The following XRCC4 variants were observed in gnomAD, a reference collection of about 807,000 sequenced individuals.
The protein encoded by XRCC4 is X-ray repair cross complementing 4, also known as DNA repair protein XRCC4.
A neutral mutation model predicts 39.1 loss-of-function variants in XRCC4; 28 were observed. That is an observed-to-expected ratio of 0.72 (90% CI 0.53 to 0.98). The LOEUF (loss-of-function observed/expected upper bound fraction) is 0.98. Among genes scored for constraint, XRCC4 ranks in the 50% least tolerant of loss-of-function variants. The pLI is 0.00. For synonymous variants in XRCC4, 123 were observed against 126.4 expected (o/e 0.97, Z 0.18); for missense variants, 350 against 376.4 (o/e 0.93, Z 0.58).
In XRCC4 at chr5:83,105,021, T is replaced by G; in HGVS notation, c.102T>G (p.Ile34Met). Reference protein sequence around the residue: ...WEKTLESGFVITLTDGHSAWT... With the variant: ...WEKTLESGFVMTLTDGHSAWT... ...AAACACTGGAATCTGGTTTTGTTATTACACTTACTGATGGTCATTCAGCAT... is the reference window on the plus strand; with the variant it reads ...AAACACTGGAATCTGGTTTTGTTATGACACTTACTGATGGTCATTCAGCAT... The change falls in exon 2 of 8, where the codon ATT becomes ATG. Residue 34 changes from isoleucine to methionine, a missense_variant. Ile to Met is a conservative substitution (Grantham distance 10). Transcript: ENST00000396027. 6.2e-7 allele frequency: 1 copy of G among 1,613,618 alleles called. No homozygotes were observed. The highest frequency in any genetic ancestry group is 8.5e-7 in the Non-Finnish European group (1 of 1,179,766).
At chr5:83,289,123 C>A (rs1561456560) in intron 7 of XRCC4, among the ~76,000 whole-genome samples, 1 of 151,754 alleles carries the variant, frequency 6.6e-6, no homozygotes, top group Non-Finnish European at 1.5e-5. Flanking sequence ...CATTTTGATT[C>A]TTTCCTGGAG....
downstream of XRCC4, among the ~76,000 whole-genome samples, chr5:83,355,615 G>GTA (rs1020580311): frequency 1.5e-4 from 23 of 152,240 alleles, no homozygotes; most frequent in African/African-American, 5.3e-4. Flanking sequence ...TAAATAATAG[G>GTA]TATATATATG....
At position 83,351,016 on chromosome 5, in the gene XRCC4, A is replaced by G. The variant is rs192324758; in HGVS notation, c.894-2115A>G. 1.3e-3 allele frequency among the ~76,000 whole-genome samples: 197 copies of G among 152,250 alleles called. 3 individuals carry two copies. Among genetic ancestry groups the G allele is most frequent in the Admixed American group, 0.011 (166 of 15,294 alleles). On this transcript the variant is annotated intron_variant, in intron 7 of 7. Transcript: ENST00000396027. ...ATCTCATGTCTAATTGTAATCCTCA[A>G]TCTTGAAGAAGGGGCCTGGTGGGAG...
At chr5:83,276,876 ATCT>A (rs1754354256) in intron 7 of XRCC4, among the ~76,000 whole-genome samples, 1 of 152,076 alleles carries the variant, frequency 6.6e-6, no homozygotes, top group South Asian at 2.1e-4. Flanking sequence ...TTATAACAGA[ATCT>A]TGTTATAATT....
chr5:83,087,635 T>C (rs191256654), intron 1 of XRCC4, among the ~76,000 whole-genome samples: 1 of 151,806 alleles, frequency 6.6e-6, no homozygotes, highest in Non-Finnish European at 1.5e-5. Context: ...TGTACTCCAG[T>C]CTGGGTGACA....
chr5:83,362,293 G>GAAAAAA, the XRCC4 span, among the ~76,000 whole-genome samples: 4 of 59,952 alleles, frequency 6.7e-5, no homozygotes, highest in African/African-American at 1.6e-4. Flanking sequence ...TGCTATTTAG[G>GAAAAAA]CAAAAAAAAA....
chr5:83,230,039 T>G (rs1366510231), intron 6 of XRCC4, among the ~76,000 whole-genome samples: 3 of 152,040 alleles, frequency 2.0e-5, no homozygotes, highest in Admixed American at 1.3e-4. Flanking sequence ...TGTGCATTTA[T>G]CTTTTCTGTC....
chr5:83,130,000 C>T (rs1007630756), intron 3 of XRCC4, among the ~76,000 whole-genome samples: 3 of 152,114 alleles, frequency 2.0e-5, no homozygotes, highest in South Asian at 2.1e-4. Flanking sequence ...ACATCCAACA[C>T]TGTGTTGAAT....
At chr5:83,233,821 G>A (rs932913483) in intron 6 of XRCC4, among the ~76,000 whole-genome samples, 2 of 148,016 alleles carry the variant, frequency 1.4e-5, no homozygotes, top group Non-Finnish European at 3.0e-5. Flanking sequence ...AGAATCGCTT[G>A]AACCTGGGAG....
chr5:83,145,796 G>C (rs1433063593), intron 3 of XRCC4, among the ~76,000 whole-genome samples: 2 of 151,178 alleles, frequency 1.3e-5, no homozygotes, highest in Non-Finnish European at 2.9e-5. Context: ...ATCTTATTCA[G>C]TGTTATTCTT....
chr5:83,089,890 T>G (rs77949668), intron 1 of XRCC4, among the ~76,000 whole-genome samples: 13,850 of 152,164 alleles, frequency 0.091, 1,294 homozygotes, highest in East Asian at 0.48. Flanking sequence ...CTTTACTGGT[T>G]TAGTACAAAA....
intron 3 of XRCC4, among the ~76,000 whole-genome samples, chr5:83,114,346 A>G (rs1746606380): frequency 6.6e-6 from 1 of 151,822 alleles, no homozygotes; most frequent in African/African-American, 2.4e-5. Flanking sequence ...TTTCTTTTTT[A>G]TTGCATCGTC....
intron 7 of XRCC4, among the ~76,000 whole-genome samples, chr5:83,269,683 A>G (rs1754071467): frequency 6.6e-6 from 1 of 152,142 alleles, no homozygotes; most frequent in African/African-American, 2.4e-5. Flanking sequence ...TTCAATAATT[A>G]CCAAGTAAAT....
At chr5:83,361,210 A>G in the XRCC4 span, among the ~76,000 whole-genome samples, 4 of 152,212 alleles carry the variant, frequency 2.6e-5, no homozygotes, top group African/African-American at 9.6e-5. Flanking sequence ...TTTTGTTACT[A>G]TCATACTATA....
chr5:83,095,321 C>T (rs1745626971), intron 1 of XRCC4, among the ~76,000 whole-genome samples: 1 of 152,140 alleles, frequency 6.6e-6, no homozygotes, highest in Admixed American at 6.6e-5. Flanking sequence ...GGGTGTATTC[C>T]TTTATTTGAG....
chr5:83,320,402 GAAAT>G (rs1394859612), intron 7 of XRCC4, among the ~76,000 whole-genome samples: 40 of 146,554 alleles, frequency 2.7e-4, no homozygotes, highest in African/African-American at 5.5e-4. Context: ...AAAAAAAAAA[GAAAT>G]AAAAACCACT....
chr5:83,122,313 T>G (rs1747049390), intron 3 of XRCC4, among the ~76,000 whole-genome samples: 1 of 152,130 alleles, frequency 6.6e-6, no homozygotes, highest in Admixed American at 6.5e-5. Context: ...ATCCATATAT[T>G]TAGGTCAGTG....
chr5:83,247,269 C>T (rs1419928151), intron 6 of XRCC4, among the ~76,000 whole-genome samples: 1 of 152,072 alleles, frequency 6.6e-6, no homozygotes, highest in African/African-American at 2.4e-5. Flanking sequence ...ATGCCTTCAT[C>T]CATATCTTAC....
intron 3 of XRCC4, among the ~76,000 whole-genome samples, chr5:83,144,267 CTGTGTGTGTGTG>C (rs56769195): frequency 0.015 from 2,118 of 140,130 alleles, 55 homozygotes; most frequent in African/African-American, 0.051. Flanking sequence ...TAATATTCCT[CTGTGTGTGTGTG>C]TGTGTGTGTG....
Sources: allele counts gnomAD v4.1 joint callset (sites outside exome capture counted in the v4.1 genomes callset), GRCh38; gene constraint gnomAD v4.1.1; transcripts MANE v1.5; gene names NCBI Gene and HGNC (gene_info 2026-07-23, HGNC 2026-07-21).